TBC1D5: variants seen among roughly 807,000 people sequenced by gnomAD.
TBC1D5 encodes TBC1 domain family, member 5.
In TBC1D5, 75 loss-of-function variants were observed where a neutral mutation model predicts 100.3. That is an observed-to-expected ratio of 0.75 (90% CI 0.62 to 0.91). The LOEUF is 0.91. TBC1D5 is among the 40% of genes least tolerant of loss of function. TBC1D5 has a pLI of 0.00. For synonymous variants in TBC1D5, 323 were observed against 325.6 expected (o/e 0.99, Z 0.09); for missense variants, 910 against 942.4 (o/e 0.97, Z 0.45).
chr3:17,380,047 G>A (rs904544381), intron 9 of TBC1D5, among the ~76,000 whole-genome samples: 7 of 100,590 alleles, frequency 7.0e-5, no homozygotes, highest in Non-Finnish European at 1.4e-4. Context: ...GACTGTGTAT[G>A]TGTGTGTGTG....
In TBC1D5 at chr3:17,673,314, T is replaced by TTC. The variant is rs1478232321; in HGVS notation, c.-100-49402_-100-49401insGA. 5.0e-4 allele frequency among the ~76,000 whole-genome samples: 73 copies of TTC among 146,508 alleles called. No homozygotes were observed. The Middle Eastern group carries it at 0.01, about 21-fold the overall frequency. ...TTTCTGTACTTTCTTTTCTTTTCTT[T>TTC]TTTTTTTTTTTTTTGAGACAGGGTC... On this transcript the variant is annotated intron_variant, in intron 1 of 21. Coordinates refer to ENST00000253692, the Ensembl canonical transcript of TBC1D5.
intron 1 of TBC1D5, among the ~76,000 whole-genome samples, chr3:17,711,614 C>A (rs746180674): frequency 4.6e-5 from 7 of 152,056 alleles, no homozygotes; most frequent in Non-Finnish European, 7.4e-5. Flanking sequence ...TAGTATCATA[C>A]GTATTTTTCA....
intron 1 of TBC1D5, among the ~76,000 whole-genome samples, chr3:17,689,518 C>CAAAAAAAAAAAAA (rs373476990): frequency 5.5e-5 from 3 of 55,002 alleles, no homozygotes; most frequent in African/African-American, 7.1e-5. Context: ...GACCCTGTCT[C>CAAAAAAAAAAAAA]AAAAAAAAAA....
intron 2 of TBC1D5, among the ~76,000 whole-genome samples, chr3:17,561,077 G>A (rs2096555992): frequency 6.6e-6 from 1 of 152,184 alleles, no homozygotes; most frequent in Non-Finnish European, 1.5e-5. Context: ...AAAGAGGGCT[G>A]TGATTGGCAC....
intron 10 of TBC1D5, 108 bp from the exon 11 acceptor site, chr3:17,374,787 A>C (rs1031996618): frequency 9.3e-7 from 1 of 1,072,136 alleles, no homozygotes; most frequent in Non-Finnish European, 1.3e-6. Flanking sequence ...TGCAAACGAA[A>C]AAAATTAGTC....
intron 13 of TBC1D5, among the ~76,000 whole-genome samples, chr3:17,344,237 T>C (rs2089505266): frequency 6.6e-6 from 1 of 152,044 alleles, no homozygotes. Flanking sequence ...ACAAAATCAA[T>C]GTACAAAAAT....
chr3:17,173,737 C>T (rs1184359296), intron 19 of TBC1D5, among the ~76,000 whole-genome samples: 1 of 152,152 alleles, frequency 6.6e-6, no homozygotes, highest in African/African-American at 2.4e-5. Flanking sequence ...TTTAGATACC[C>T]TGATCTTTAA....
chr3:17,319,331 G>A (rs924107393), intron 13 of TBC1D5, among the ~76,000 whole-genome samples: 4 of 152,020 alleles, frequency 2.6e-5, no homozygotes, highest in Admixed American at 6.6e-5. Flanking sequence ...ACTGCTCTCT[G>A]ACCATAGCCT....
At chr3:17,708,263 G>T (rs983119296) in intron 1 of TBC1D5, among the ~76,000 whole-genome samples, 1 of 151,902 alleles carries the variant, frequency 6.6e-6, no homozygotes, top group East Asian at 1.9e-4. Flanking sequence ...CCACATTTTT[G>T]AGATCTACTA....
chr3:17,441,027 G>C (rs1249543398), intron 3 of TBC1D5, among the ~76,000 whole-genome samples: 1 of 152,068 alleles, frequency 6.6e-6, no homozygotes, highest in Non-Finnish European at 1.5e-5. Context: ...GTGGATGAAG[G>C]GAGACTGGAT....
intron 13 of TBC1D5, among the ~76,000 whole-genome samples, chr3:17,342,119 C>T (rs1380732842): frequency 1.3e-5 from 2 of 152,202 alleles, no homozygotes; most frequent in African/African-American, 4.8e-5. Context: ...ACACTGCTCA[C>T]CTAATGAATG....
At chr3:17,692,419 C>T (rs2071309612) in intron 1 of TBC1D5, among the ~76,000 whole-genome samples, 1 of 151,970 alleles carries the variant, frequency 6.6e-6, no homozygotes, top group Non-Finnish European at 1.5e-5. Flanking sequence ...TGTAAAAGTG[C>T]AAGAGTTGAA....
intron 3 of TBC1D5, among the ~76,000 whole-genome samples, chr3:17,460,269 A>T (rs1381322654): frequency 6.6e-6 from 1 of 152,196 alleles, no homozygotes; most frequent in Non-Finnish European, 1.5e-5. Context: ...GAAATTGATA[A>T]GGAAAATGCC....
intron 8 of TBC1D5, among the ~76,000 whole-genome samples, chr3:17,385,068 T>C (rs1315515580): frequency 2.0e-5 from 3 of 152,042 alleles, no homozygotes; most frequent in Non-Finnish European, 2.9e-5. Context: ...CAAATTCATG[T>C]TGCATAATTT....
intron 9 of TBC1D5, among the ~76,000 whole-genome samples, chr3:17,382,146 C>T (rs753495882): frequency 6.6e-6 from 1 of 152,006 alleles, no homozygotes; most frequent in Non-Finnish European, 1.5e-5. Flanking sequence ...AAAACAACCA[C>T]AACTACCAAC....
At chr3:17,178,984 T>A (rs572826264) in intron 19 of TBC1D5, among the ~76,000 whole-genome samples, 1 of 152,068 alleles carries the variant, frequency 6.6e-6, no homozygotes, top group South Asian at 2.1e-4. Context: ...TTGCACAGGC[T>A]GGAGGGCAGT....
intron 2 of TBC1D5, 96 bp from the exon 3 acceptor site, chr3:17,508,701 G>A (rs949000852): frequency 3.6e-6 from 2 of 561,908 alleles, no homozygotes; most frequent in African/African-American, 1.9e-5. Flanking sequence ...GAGCATTACA[G>A]ACATTAACAA....
At chr3:17,349,905 T>C (rs576044987) in intron 13 of TBC1D5, among the ~76,000 whole-genome samples, 3 of 152,206 alleles carry the variant, frequency 2.0e-5, no homozygotes, top group Non-Finnish European at 4.4e-5. Context: ...CCATGGTTTA[T>C]ATGAGTATCA....
At chr3:17,425,821 T>C (rs2094322153) in intron 4 of TBC1D5, among the ~76,000 whole-genome samples, 1 of 148,672 alleles carries the variant, frequency 6.7e-6, no homozygotes, top group Admixed American at 6.6e-5. Context: ...AAAACAAAGT[T>C]ACCCATTTAA....
Sources: allele counts gnomAD v4.1 joint callset (sites outside exome capture counted in the v4.1 genomes callset), GRCh38; gene constraint gnomAD v4.1.1; transcripts MANE v1.5; gene names NCBI Gene and HGNC (gene_info 2026-07-23, HGNC 2026-07-21).